The following MAP3K13 variants were observed in gnomAD, a reference collection of about 807,000 sequenced individuals.
The protein encoded by MAP3K13 is leucine zipper-bearing kinase.
Under a neutral mutation model 104.0 loss-of-function variants are expected in MAP3K13, and 52 were observed. That is an observed-to-expected ratio of 0.50 (90% CI 0.40 to 0.63). MAP3K13 has a LOEUF of 0.63. MAP3K13 is among the 20% of genes least tolerant of loss of function. The pLI is 0.00. For synonymous variants in MAP3K13, 394 were observed against 442.2 expected (o/e 0.89, Z 1.37); for missense variants, 914 against 1,218.5 (o/e 0.75, Z 3.72).
In MAP3K13 at chr3:185,450,015, T is replaced by TCC. The variant is rs753115400; in HGVS notation, c.1127_1128dup (p.Thr377ProfsTer11). Reference sequence around the variant, plus strand: ...CAACAGCCTCCACCTTCCAGTTCCTTCCACTTGCCCTGATGGATTCAAAAT... The same window carrying TCC: ...CAACAGCCTCCACCTTCCAGTTCCTTCCCCACTTGCCCTGATGGATTCAAAAT... On this transcript the variant is annotated frameshift_variant, in exon 6 of 14. Transcript: ENST00000265026. LOFTEE classifies it high-confidence loss of function. This position sits in a 1 kb window ranked among gnomAD's most constrained non-coding sequence, Gnocchi z 4.2. The TCC allele has an allele frequency of 1.9e-6, 3 of 1,613,290 alleles. No homozygotes were observed.
chr3:185,361,470 G>A (rs1170047642), upstream of MAP3K13, among the ~76,000 whole-genome samples: 1 of 150,164 alleles, frequency 6.7e-6, no homozygotes, highest in African/African-American at 2.5e-5. Context: ...GCAAGATCTC[G>A]GCTCACTGCA....
At chr3:185,459,455 A>T (rs531550855) in intron 7 of MAP3K13, among the ~76,000 whole-genome samples, 31 of 151,592 alleles carry the variant, frequency 2.0e-4, no homozygotes, top group Middle Eastern at 3.4e-3. Context: ...ATTAAAAAAA[A>T]TTTTTTTTTG....
At position 185,418,413 on chromosome 3, in the gene MAP3K13, A is replaced by G. The variant is rs878864325; in HGVS notation, c.-85-10084A>G. On this transcript the variant is annotated intron_variant, in intron 1 of 13. Coordinates refer to ENST00000265026, the MANE Select transcript of MAP3K13 (RefSeq NM_004721.5). This position sits in a 1 kb window ranked among gnomAD's most constrained non-coding sequence, Gnocchi z 4.5. ...AGGCAGCCAGGGCAGAACAGATGGC[A>G]TATCGTTTTTGGGTTGTGTTCACTC... is the stretch of plus-strand genomic sequence containing the variant. 12 of 1,607,634 alleles carry G rather than the reference A, an allele frequency of 7.5e-6. No homozygotes were observed. Among genetic ancestry groups the G allele is most frequent in the African/African-American group, 2.7e-5 (2 of 74,770 alleles).
chr3:185,297,981 T>A (rs1720977989), intron 2 of MAP3K13, among the ~76,000 whole-genome samples: 1 of 151,128 alleles, frequency 6.6e-6, no homozygotes, highest in Admixed American at 6.6e-5. Flanking sequence ...TTTTTTTTTG[T>A]CTTTTAAAAC....
intron 1 of MAP3K13, chr3:185,417,693 T>G (rs1713860584): frequency 1.2e-6 from 2 of 1,612,670 alleles, no homozygotes; most frequent in Admixed American, 1.7e-5. Context: ...CTGATTTGGC[T>G]GGTAGTGCTG....
chr3:185,435,958 G>A (rs949868608), intron 2 of MAP3K13, among the ~76,000 whole-genome samples: 5 of 152,138 alleles, frequency 3.3e-5, no homozygotes, highest in Non-Finnish European at 7.3e-5. Flanking sequence ...GCTTTTGAGT[G>A]ATCTGAGGAG....
At position 185,328,374 on chromosome 3, in the gene MAP3K13, C is replaced by T. The variant is rs577686025; in HGVS notation, c.-86+42731C>T. 5.2e-4 allele frequency among the ~76,000 whole-genome samples: 79 copies of T among 152,174 alleles called. 1 individual carries two copies. Among genetic ancestry groups the T allele is most frequent in the African/African-American group, 8.7e-4 (36 of 41,514 alleles). ...GTTTCAAAAAGGAGCCTCAGCCTCC[C>T]GAGTAGCTGGGATTACAGGCACCCA... On this transcript the variant is annotated intron_variant, in intron 2 of 14. Transcript: ENST00000424227.
Position 185,477,363 on chromosome 3 carries a change from T to C in MAP3K13, c.2468T>C (p.Val823Ala), listed in dbSNP as rs747933980. The change falls in exon 12 of 14, where the codon GTA (valine) becomes GCA (alanine). Residue 823 changes from valine (V) to alanine (A), a missense_variant. Around this residue, in one of 3 missense-constraint regions of MAP3K13, gnomAD observed 583 missense variants for 737.4 expected, o/e 0.79. Transcript: ENST00000265026. ...TCCTCAGAAGAGGAAGAAGGGGAAG[T>C]AGATAGTGAAGTTGAATTTCCACGA... ...DDSSEEEEGE[V>A]DSEVEFPRRQ... is the part of the protein sequence containing the mutation. 6.8e-6 allele frequency: 11 copies of C among 1,612,902 alleles called. No individual in the cohort carries two copies. Among genetic ancestry groups the C allele is most frequent in the Non-Finnish European group, 9.3e-6 (11 of 1,178,966 alleles).
intron 1 of MAP3K13, among the ~76,000 whole-genome samples, chr3:185,403,821 T>A (rs1180149546): frequency 6.6e-6 from 1 of 152,250 alleles, no homozygotes; most frequent in Non-Finnish European, 1.5e-5. Context: ...ATAGAAGCTG[T>A]AATCAGGTAA....
At position 185,478,835 on chromosome 3, in the gene MAP3K13, G is replaced by A. The variant is rs532443864; in HGVS notation, c.2502-1397G>A. Among the ~76,000 whole-genome samples the A allele has an allele frequency of 8.7e-5, 13 of 149,116 alleles. 1 individual carries two copies. In the South Asian group the frequency reaches 1.1e-3, roughly 12 times the overall value. ...TGCAATGAGGCGAGATGGCACCACCGCACTCCAGCCTGGGCGACAGAGTGA... is the reference window on the plus strand; with the variant it reads ...TGCAATGAGGCGAGATGGCACCACCACACTCCAGCCTGGGCGACAGAGTGA... On this transcript the variant is annotated intron_variant, in intron 12 of 13. Coordinates refer to ENST00000265026, the MANE Select transcript of MAP3K13 (RefSeq NM_004721.5).
At chr3:185,304,963 G>A (rs1184633958) in intron 2 of MAP3K13, among the ~76,000 whole-genome samples, 1 of 152,066 alleles carries the variant, frequency 6.6e-6, no homozygotes, top group African/African-American at 2.4e-5. Flanking sequence ...TCATTTGCAT[G>A]GAATATCTTT....
intron 1 of MAP3K13, among the ~76,000 whole-genome samples, chr3:185,398,743 G>A (rs183745575): frequency 1.3e-3 from 202 of 152,274 alleles, no homozygotes; most frequent in Non-Finnish European, 2.3e-3. Flanking sequence ...CTTCTTATAC[G>A]TATGCACTCA....
chr3:185,467,951 C>T (rs1717551019), intron 10 of MAP3K13, among the ~76,000 whole-genome samples: 1 of 152,006 alleles, frequency 6.6e-6, no homozygotes, highest in Non-Finnish European at 1.5e-5. Context: ...GGGGAGCCAG[C>T]GCTTCACATG....
At chr3:185,388,264 G>A (rs1711813422) in intron 1 of MAP3K13, among the ~76,000 whole-genome samples, 1 of 152,140 alleles carries the variant, frequency 6.6e-6, no homozygotes, top group Non-Finnish European at 1.5e-5. Flanking sequence ...CATTTTGGGA[G>A]GCTGAGGCAG....
At chr3:185,441,640 C>T (rs956273531) in intron 3 of MAP3K13, among the ~76,000 whole-genome samples, 2 of 152,144 alleles carry the variant, frequency 1.3e-5, no homozygotes, top group African/African-American at 4.8e-5. Flanking sequence ...CAGTAGCTCA[C>T]GCCTGTAATC....
intron 2 of MAP3K13, among the ~76,000 whole-genome samples, chr3:185,286,972 T>C (rs1418918169): frequency 1.3e-5 from 2 of 152,182 alleles, no homozygotes; most frequent in Non-Finnish European, 2.9e-5. Flanking sequence ...CCTTATGACT[T>C]TCTGTTCTTA....
At chr3:185,400,592 T>A (rs1428262907) in intron 1 of MAP3K13, among the ~76,000 whole-genome samples, 1 of 152,226 alleles carries the variant, frequency 6.6e-6, no homozygotes, top group Non-Finnish European at 1.5e-5. Context: ...TGTAGCCTTG[T>A]GATTTCAGTA....
intron 1 of MAP3K13, among the ~76,000 whole-genome samples, chr3:185,425,807 C>A (rs1422638168): frequency 6.6e-6 from 1 of 152,186 alleles, no homozygotes; most frequent in African/African-American, 2.4e-5. Flanking sequence ...AGACTCAATT[C>A]AAGCAAAACT....
chr3:185,475,905 C>T (rs935760606), intron 11 of MAP3K13, among the ~76,000 whole-genome samples: 13 of 152,052 alleles, frequency 8.5e-5, no homozygotes, highest in Admixed American at 4.6e-4. Flanking sequence ...TGATTTGGGC[C>T]GATCCATTCT....
Sources: gnomAD v4.1 joint callset for allele counts (sites outside exome capture counted in the v4.1 genomes callset) on GRCh38, gnomAD v4.1.1 for gene constraint, gnomAD v4.1.1 regional missense constraint, Gnocchi (gnomAD v3.1) non-coding constraint, MANE v1.5 for transcripts, NCBI Gene and HGNC (gene_info 2026-07-23, HGNC 2026-07-21) for gene names.